The following DPH6 variants were observed in gnomAD, a reference collection of about 807,000 sequenced individuals.
The protein encoded by DPH6 is diphthine--ammonia ligase.
In DPH6, 33 loss-of-function variants were observed where a neutral mutation model predicts 38.2. The observed-to-expected ratio is 0.86, with a 90% CI of 0.65 to 1.15. DPH6 has a LOEUF of 1.15. DPH6 is among the 50% of genes most tolerant of loss of function. The pLI is 0.00. For missense variants in DPH6, 325 were observed against 320.0 expected (o/e 1.02, Z -0.12); for synonymous variants, 108 against 103.0 (o/e 1.05, Z -0.30).
At chr15:35,416,098 G>A (rs576727502) in intron 5 of DPH6, among the ~76,000 whole-genome samples, 2 of 151,952 alleles carry the variant, frequency 1.3e-5, no homozygotes, top group Non-Finnish European at 1.5e-5. Context: ...GAATTGTCTT[G>A]GGCCACATAT....
intron 3 of DPH6, among the ~76,000 whole-genome samples, chr15:35,463,372 A>C (rs1432972883): frequency 1.9e-3 from 1 of 526 alleles, no homozygotes; most frequent in Non-Finnish European, 5.9e-3. Flanking sequence ...GTAAATGTGC[A>C]CAAGTTATAT....
In DPH6 at chr15:35,371,865, A is replaced by G; in HGVS notation, c.*285T>C. On this transcript the variant is annotated 3_prime_UTR_variant, in exon 9 of 9. Coordinates refer to ENST00000256538, the MANE Select transcript of DPH6 (RefSeq NM_080650.4). ...TGTGATAAAAAAAGAAATGCTACAG[A>G]AATGGGGTTTATAGATGAAATAAAA... 6 of 1,079,880 alleles carry G rather than the reference A, an allele frequency of 5.6e-6. No individual in the cohort carries two copies. The highest frequency in any genetic ancestry group is 3.6e-5 in the South Asian group (1 of 27,596). The allele number at this position is 1,079,880 out of a possible 1,614,324, so 66.9% of individuals were successfully genotyped here.
At chr15:35,208,181 T>C in the DPH6 span, among the ~76,000 whole-genome samples, 2 of 152,210 alleles carry the variant, frequency 1.3e-5, no homozygotes, top group Non-Finnish European at 1.5e-5. Flanking sequence ...TTAGCTTACA[T>C]TGAATACCAA....
rs550606711 is a variant in DPH6, at chr15:35,241,538, G to A, written n.201-20956C>T. On this transcript the variant is annotated intron_variant and non_coding_transcript_variant, in intron 3 of 3. Coordinates refer to the DPH6 transcript ENST00000560386. ...ACCTGCCCAGTTCCCTTATTAGGCC[G>A]AGATATTTTAACCAAATTATCTGCT... is the stretch of plus-strand genomic sequence containing the variant. Among the ~76,000 whole-genome samples, 62 of 141,954 alleles carry A rather than the reference G, an allele frequency of 4.4e-4. 4 individuals carry two copies. Among genetic ancestry groups the A allele is most frequent in the Middle Eastern group, 7.2e-3 (2 of 276 alleles). 93.1% of individuals were successfully genotyped at this position (141,954 alleles called of 152,430 possible).
chr15:35,454,069 T>C (rs1422789043), intron 4 of DPH6, among the ~76,000 whole-genome samples: 2 of 152,038 alleles, frequency 1.3e-5, no homozygotes, highest in East Asian at 1.9e-4. Context: ...GAAAAGTAAA[T>C]TCATTCAGGT....
intron 3 of DPH6, among the ~76,000 whole-genome samples, chr15:35,325,201 G>GT (rs568108288): frequency 6.6e-5 from 10 of 151,368 alleles, no homozygotes; most frequent in South Asian, 6.3e-4. Context: ...ATTCCAGCTG[G>GT]TTTTTTTTTA....
chr15:35,446,025 C>G (rs1046130609), intron 5 of DPH6, among the ~76,000 whole-genome samples: 1 of 152,102 alleles, frequency 6.6e-6, no homozygotes, highest in Admixed American at 6.5e-5. Flanking sequence ...CGAACTGCCA[C>G]TAGTGATGCT....
chr15:35,481,139 G>T (rs2054321537), intron 3 of DPH6, among the ~76,000 whole-genome samples: 1 of 152,064 alleles, frequency 6.6e-6, no homozygotes, highest in Admixed American at 6.6e-5. Flanking sequence ...GTTAGACTGA[G>T]GAACTAATTT....
At chr15:35,467,531 A>T (rs2054142245) in intron 3 of DPH6, among the ~76,000 whole-genome samples, 1 of 152,192 alleles carries the variant, frequency 6.6e-6, no homozygotes, top group African/African-American at 2.4e-5. Flanking sequence ...GCACCACGGC[A>T]CTCCAGCCTT....
chr15:35,259,546 C>T (rs1017068237), intron 3 of DPH6, among the ~76,000 whole-genome samples: 1 of 152,126 alleles, frequency 6.6e-6, no homozygotes, highest in Non-Finnish European at 1.5e-5. Context: ...TTCTACATTT[C>T]GTTTTTATAT....
At chr15:35,505,514 T>C (rs758980899) in intron 3 of DPH6, among the ~76,000 whole-genome samples, 2 of 152,106 alleles carry the variant, frequency 1.3e-5, no homozygotes, top group Non-Finnish European at 2.9e-5. Flanking sequence ...GAAAGTTTTT[T>C]TTCTAATTTA....
intron 3 of DPH6, chr15:35,522,331 G>T (rs188519873): frequency 1.3e-6 from 2 of 1,565,218 alleles, no homozygotes; most frequent in East Asian, 2.3e-5. Context: ...GGATTGACCA[G>T]AAAAAGCCCT....
chr15:35,440,861 G>C (rs534861732), intron 5 of DPH6, among the ~76,000 whole-genome samples: 2 of 152,296 alleles, frequency 1.3e-5, no homozygotes, highest in East Asian at 3.9e-4. Context: ...TCATGAGAGT[G>C]AACAGGCAAC....
chr15:35,238,766 A>G (rs1418006848), intron 3 of DPH6, among the ~76,000 whole-genome samples: 1 of 151,946 alleles, frequency 6.6e-6, no homozygotes, highest in Non-Finnish European at 1.5e-5. Context: ...ACATTCCACC[A>G]TTGTGATGTG....
intron 3 of DPH6, among the ~76,000 whole-genome samples, chr15:35,362,320 TG>T (rs2052621026): frequency 6.6e-6 from 1 of 152,182 alleles, no homozygotes; most frequent in Admixed American, 6.5e-5. Context: ...CTGTTCTCTG[TG>T]GCCCTCAGGA....
intron 3 of DPH6, among the ~76,000 whole-genome samples, chr15:35,264,520 CTT>C (rs1211620779): frequency 9.7e-6 from 1 of 102,736 alleles, no homozygotes; most frequent in African/African-American, 2.6e-5. Flanking sequence ...TACAAGCACT[CTT>C]TGAAAAACAA....
intron 3 of DPH6, among the ~76,000 whole-genome samples, chr15:35,505,051 T>G (rs1002316161): frequency 1.1e-4 from 16 of 152,244 alleles, no homozygotes; most frequent in South Asian, 1.0e-3. Flanking sequence ...TTCCTACATG[T>G]ATAAAATATT....
At chr15:35,299,436 G>A (rs2052038956) in intron 3 of DPH6, 2 of 782,156 alleles carry the variant, frequency 2.6e-6, no homozygotes, top group Non-Finnish European at 4.7e-6. Flanking sequence ...ATCGTACAGG[G>A]ACATCTTTTC....
intron 3 of DPH6, among the ~76,000 whole-genome samples, chr15:35,355,741 T>C (rs1421042842): frequency 6.6e-6 from 1 of 152,200 alleles, no homozygotes; most frequent in Non-Finnish European, 1.5e-5. Flanking sequence ...TCAACTTTGG[T>C]GAGTCTGACG....
Sources: gnomAD v4.1 joint callset for allele counts (sites outside exome capture counted in the v4.1 genomes callset) on GRCh38, gnomAD v4.1.1 for gene constraint, MANE v1.5 for transcripts, NCBI Gene and HGNC (gene_info 2026-07-23, HGNC 2026-07-21) for gene names.